Variants in CREBRF observed in about 807,000 individuals in gnomAD.
CREBRF encodes the protein UPF0474 protein C5orf41.
A neutral mutation model predicts 66.1 loss-of-function variants in CREBRF; 5 were observed. That is an observed-to-expected ratio of 0.08 (90% CI 0.04 to 0.16). The LOEUF (loss-of-function observed/expected upper bound fraction) is 0.16, where lower values mean the gene tolerates loss of function less well. Among genes scored for constraint, CREBRF ranks in the 10% least tolerant of loss-of-function variants. The probability of loss-of-function intolerance (pLI) is 1.00; values close to 1 mark genes in which losing one functional copy is unlikely to be tolerated. For synonymous variants in CREBRF, 229 were observed against 264.4 expected (o/e 0.87, Z 1.30); for missense variants, 531 against 744.9 (o/e 0.71, Z 3.34).
intron 1 of CREBRF, among the ~76,000 whole-genome samples, chr5:173,068,394 G>A (rs1757497011): frequency 6.6e-6 from 1 of 152,132 alleles, no homozygotes; most frequent in Admixed American, 6.6e-5. Flanking sequence ...ACTATGCAAG[G>A]TGTTACAGAT....
intron 1 of CREBRF, among the ~76,000 whole-genome samples, chr5:173,072,982 T>G (rs1056411755): frequency 3.3e-5 from 5 of 152,220 alleles, no homozygotes; most frequent in Non-Finnish European, 5.9e-5. Flanking sequence ...CAGCCTTCTA[T>G]CCCTGAAAGT....
chr5:173,089,001 A>C (rs900651371), intron 3 of CREBRF, among the ~76,000 whole-genome samples: 2 of 151,758 alleles, frequency 1.3e-5, no homozygotes, highest in African/African-American at 4.8e-5. Flanking sequence ...AGATGGTGAA[A>C]CCTCATCTCT....
At position 173,110,633 on chromosome 5, in the gene CREBRF, G is replaced by C. The variant is rs1758850508; in HGVS notation, c.1529G>C (p.Ser510Thr). The C allele has an allele frequency of 1.2e-6, 2 of 1,613,958 alleles. No homozygotes were observed. The highest frequency in any genetic ancestry group is 1.7e-5 in the Admixed American group (1 of 59,998). The stretch of plus-strand genomic sequence containing the variant: ...CTTCGGAAACTGAATAAGGTGATTA[G>C]TGACCTGACTCCAGTCAGTGAGCTT... ...NELRKLNKVISDLTPVSELPL... is the reference protein window; with the variant it reads ...NELRKLNKVITDLTPVSELPL... Residue 510 changes from serine (S) to threonine (T), a missense_variant, in exon 6 of 9, where the codon AGT becomes ACT. Ser to Thr is a moderately conservative substitution (Grantham distance 58). This residue lies in a region of CREBRF where 25 missense variants were observed against 55.3 expected (regional missense o/e 0.45). Coordinates refer to ENST00000296953, the MANE Select transcript of CREBRF (RefSeq NM_153607.3).
chr5:173,130,255 C>G (rs897354467), intron 8 of CREBRF, among the ~76,000 whole-genome samples: 1 of 152,104 alleles, frequency 6.6e-6, no homozygotes, highest in African/African-American at 2.4e-5. Context: ...ATCAAAAGAT[C>G]TGCTAGAGTT....
At position 173,090,075 on chromosome 5, in the gene CREBRF, GAC is replaced by G. The variant is rs1004043130; in HGVS notation, c.136-235_136-234del. ...TGGATCATACCTGAGCCTCTCAAGG[GAC>G]ACACTTTCCGTCTTTTTTAAATTTA... On this transcript the variant is annotated intron_variant, in intron 3 of 8. Coordinates refer to ENST00000296953, the MANE Select transcript of CREBRF (RefSeq NM_153607.3). The surrounding 1 kb of genome is among the most constrained non-coding windows in gnomAD (Gnocchi z 4.5). 6.6e-6 allele frequency among the ~76,000 whole-genome samples: 1 copy of G among 152,046 alleles called. No homozygotes were observed. Among genetic ancestry groups the G allele is most frequent in the African/African-American group, 2.4e-5 (1 of 41,380 alleles).
chr5:173,133,120 T>C (rs920497001), intron 8 of CREBRF, among the ~76,000 whole-genome samples: 1 of 152,216 alleles, frequency 6.6e-6, no homozygotes, highest in Non-Finnish European at 1.5e-5. Flanking sequence ...ACATTTCTTA[T>C]TCGTTCATTC....
rs1387967319 is a variant in CREBRF at position 173,137,579 on chromosome 5, GGAGAA to G, written c.*3838_*3842del. 6.6e-6 allele frequency: 1 copy of G among 151,862 alleles called. No homozygotes were observed. The highest frequency in any genetic ancestry group is 1.5e-5 in the Non-Finnish European group (1 of 67,894). 9.4% of individuals were successfully genotyped at this position (151,862 alleles called of 1,614,324 possible). ...TATTTCATTTTTCCAGGATTTTTTAGGAGAAGAGTACCCATTTTGTTTTATAAAAA... is the reference window on the plus strand; with the variant it reads ...TATTTCATTTTTCCAGGATTTTTTAGGAGTACCCATTTTGTTTTATAAAAA... On this transcript the variant is annotated 3_prime_UTR_variant, in exon 9 of 9. Coordinates refer to ENST00000296953, the MANE Select transcript of CREBRF (RefSeq NM_153607.3).
chr5:173,065,668 C>CTTTT (rs745391126), intron 1 of CREBRF, among the ~76,000 whole-genome samples: 2 of 127,116 alleles, frequency 1.6e-5, no homozygotes, highest in African/African-American at 6.0e-5. Flanking sequence ...TCTTCTTCTT[C>CTTTT]TTTTTTTTTT....
At position 173,135,146 on chromosome 5, in the gene CREBRF, GTAT is replaced by G. The variant is rs569032816; in HGVS notation, c.*1406_*1408del. The G allele has an allele frequency of 6.8e-4, 103 of 152,444 alleles. 1 individual carries two copies. The highest frequency in any genetic ancestry group is 2.3e-3 in the African/African-American group (97 of 41,518). 9.4% of individuals were successfully genotyped at this position (152,444 alleles called of 1,614,324 possible). Reference sequence around the variant, plus strand: ...TTTAGTTGCCACTTTTCCGATTGATGTATTATTGTGCATGTAATATTTTCAAAG... The same window carrying G: ...TTTAGTTGCCACTTTTCCGATTGATGTATTGTGCATGTAATATTTTCAAAG... On this transcript the variant is annotated 3_prime_UTR_variant, in exon 9 of 9. Transcript: ENST00000296953.
chr5:173,090,756 G>T lies in CREBRF; in HGVS notation c.577G>T (p.Ala193Ser), dbSNP rs772341471. 4 of 1,614,154 alleles carry T rather than the reference G, an allele frequency of 2.5e-6. No homozygotes were observed. The South Asian group carries it at 3.3e-5, about 13-fold the overall frequency. Reference sequence around the variant, plus strand: ...TGTGTGTTCTTCTAAGACTCTGCAGGCTGAGGTCCCTTTGTCAGACTGTGT... The same window carrying T: ...TGTGTGTTCTTCTAAGACTCTGCAGTCTGAGGTCCCTTTGTCAGACTGTGT... The part of the protein sequence containing the change: ...APVCSSKTLQ[A>S]EVPLSDCVQK... The change falls in exon 4 of 9, where the codon GCT becomes TCT. Residue 193 changes from alanine to serine, a missense_variant. Around this residue, in one of 5 missense-constraint regions of CREBRF, gnomAD observed 309 missense variants for 341.4 expected, o/e 0.90. Coordinates refer to ENST00000296953, the MANE Select transcript of CREBRF (RefSeq NM_153607.3). This position sits in a 1 kb window ranked among gnomAD's most constrained non-coding sequence, Gnocchi z 4.5.
Position 173,138,009 on chromosome 5 carries a change from T to C in CREBRF, c.*4264T>C, listed in dbSNP as rs374327136. The C allele has an allele frequency of 1.3e-5, 2 of 152,276 alleles. No homozygotes were observed. The highest frequency in any genetic ancestry group is 4.1e-4 in the South Asian group (2 of 4,828). The allele number at this position is 152,276 out of a possible 1,614,324, so 9.4% of individuals were successfully genotyped here. On this transcript the variant is annotated 3_prime_UTR_variant, in exon 9 of 9. Transcript: ENST00000296953. Reference sequence around the variant, plus strand: ...AGAATGCATTGAATTATGCTTTCAGTGTTAAAGTAAAAGGTTTCAATTATC... The same window carrying C: ...AGAATGCATTGAATTATGCTTTCAGCGTTAAAGTAAAAGGTTTCAATTATC...
At chr5:173,117,990 C>T (rs1391187573) in intron 7 of CREBRF, among the ~76,000 whole-genome samples, 5 of 152,028 alleles carry the variant, frequency 3.3e-5, no homozygotes, top group African/African-American at 1.2e-4. Flanking sequence ...TATCCTGCCT[C>T]AGCCTCCCAA....
chr5:173,128,306 G>GT (rs923520419), intron 8 of CREBRF, among the ~76,000 whole-genome samples: 1 of 152,076 alleles, frequency 6.6e-6, no homozygotes, highest in African/African-American at 2.4e-5. Flanking sequence ...CTGACCTCCA[G>GT]TTTTTTGTGG....
chr5:173,073,980 A>AAAATAAATAAAT (rs56812993), intron 1 of CREBRF, among the ~76,000 whole-genome samples: 16,978 of 149,940 alleles, frequency 0.11, 1,668 homozygotes, highest in African/African-American at 0.26. Context: ...ATAAAAAATA[A>AAAATAAATAAAT]AAATAAATAA....
At chr5:173,063,577 C>T (rs1037626003) in intron 1 of CREBRF, among the ~76,000 whole-genome samples, 4 of 152,122 alleles carry the variant, frequency 2.6e-5, no homozygotes, top group African/African-American at 9.7e-5. Flanking sequence ...CCATGTTGGC[C>T]AGGCTGGTCT....
intron 4 of CREBRF, among the ~76,000 whole-genome samples, chr5:173,105,223 A>ATGTGTGTGTG (rs1159644057): frequency 7.4e-6 from 1 of 135,956 alleles, no homozygotes; most frequent in African/African-American, 2.8e-5. Flanking sequence ...ATGTGTGTAT[A>ATGTGTGTGTG]TATGTGTGTG....
intron 1 of CREBRF, among the ~76,000 whole-genome samples, chr5:173,077,724 A>T (rs1757807798): frequency 6.6e-6 from 1 of 152,020 alleles, no homozygotes. Context: ...CCAAACAGAA[A>T]CTATGTACAC....
chr5:173,127,750 G>A (rs907891439), intron 8 of CREBRF, among the ~76,000 whole-genome samples: 4 of 152,138 alleles, frequency 2.6e-5, no homozygotes, highest in Non-Finnish European at 4.4e-5. Context: ...GAGCCACTGC[G>A]CCTGGCCTGA....
chr5:173,079,037 A>G (rs1365298721), intron 1 of CREBRF, among the ~76,000 whole-genome samples: 2 of 152,158 alleles, frequency 1.3e-5, no homozygotes, highest in African/African-American at 2.4e-5. Flanking sequence ...GGCAATGATT[A>G]TGACTACATA....
Sources: allele counts gnomAD v4.1 joint callset (sites outside exome capture counted in the v4.1 genomes callset), GRCh38; gene constraint gnomAD v4.1.1; regional missense constraint gnomAD v4.1.1; non-coding constraint Gnocchi (gnomAD v3.1); transcripts MANE v1.5; gene names NCBI Gene and HGNC (gene_info 2026-07-23, HGNC 2026-07-21).